The following CDK5RAP2 variants were observed in gnomAD, a reference collection of about 807,000 sequenced individuals.
CDK5RAP2 encodes CDK5 regulatory subunit-associated protein 2.
In CDK5RAP2, 147 loss-of-function variants were observed where a neutral mutation model predicts 232.9. That is an observed-to-expected ratio of 0.63 (90% CI 0.55 to 0.72). The LOEUF is 0.72. Among genes scored for constraint, CDK5RAP2 ranks in the 30% least tolerant of loss-of-function variants. The pLI, the probability that CDK5RAP2 is intolerant of heterozygous loss-of-function variation, is 0.00. For missense variants in CDK5RAP2, 2,195 were observed against 2,231.5 expected, an observed-to-expected ratio of 0.98 and a Z score of 0.33; for synonymous variants, 833 against 833.7, an observed-to-expected ratio of 1.00 and a Z score of 0.01.
rs1193707697 is a variant in CDK5RAP2 at position 120,402,849 on chromosome 9, G to A, written c.5264C>T (p.Thr1755Ile). ...ACTTGTGGAGCTGGGAGCCTCTTGG[G>A]TTTGAATGTCCATTTCAGCAAGGAG... The part of the protein sequence containing the change: ...QRLLAEMDIQ[T>I]QEAPSSTSQE... The change falls in exon 34 of 38, where the codon ACC (threonine) becomes ATC (isoleucine). Residue 1755 changes from threonine to isoleucine, a missense_variant. Coordinates refer to ENST00000349780, the MANE Select transcript of CDK5RAP2 (RefSeq NM_018249.6). 2.5e-6 allele frequency: 4 copies of A among 1,614,008 alleles called. No individual in the cohort carries two copies. Among genetic ancestry groups the A allele is most frequent in the Non-Finnish European group, 3.4e-6 (4 of 1,180,044 alleles).
chr9:120,469,624 T>C (rs1054543390), intron 17 of CDK5RAP2, among the ~76,000 whole-genome samples: 1 of 152,244 alleles, frequency 6.6e-6, no homozygotes, highest in African/African-American at 2.4e-5. Context: ...AAAAGATTTA[T>C]TGATCAAACC....
At chr9:120,461,203 C>A (rs955480901) in intron 18 of CDK5RAP2, among the ~76,000 whole-genome samples, 4 of 152,280 alleles carry the variant, frequency 2.6e-5, no homozygotes, top group African/African-American at 9.6e-5. Flanking sequence ...GTCCTGGCAA[C>A]ACTGTCATTT....
intron 37 of CDK5RAP2, 74 bp from the exon 38 acceptor site, chr9:120,389,366 G>T: frequency 8.5e-7 from 1 of 1,178,048 alleles, no homozygotes; most frequent in Non-Finnish European, 1.2e-6. Context: ...CGACAGAGGT[G>T]AAAGCGAGAC....
chr9:120,501,325 G>A (rs2039566478), intron 12 of CDK5RAP2, among the ~76,000 whole-genome samples: 1 of 152,186 alleles, frequency 6.6e-6, no homozygotes, highest in South Asian at 2.1e-4. Context: ...AGTCTTCCCT[G>A]ACCATCCACC....
chr9:120,434,412 G>C (rs1211368981), intron 25 of CDK5RAP2, among the ~76,000 whole-genome samples: 1 of 152,146 alleles, frequency 6.6e-6, no homozygotes, highest in African/African-American at 2.4e-5. Flanking sequence ...CCCTTATCTG[G>C]ACTTTTACAC....
At chr9:120,543,546 T>A (rs979476908) in intron 5 of CDK5RAP2, among the ~76,000 whole-genome samples, 1 of 152,126 alleles carries the variant, frequency 6.6e-6, no homozygotes, top group Admixed American at 6.6e-5. Context: ...CCCAGCTACA[T>A]AGCCATATCT....
At chr9:120,426,621 G>C (rs7854508) in intron 25 of CDK5RAP2, among the ~76,000 whole-genome samples, 15,873 of 152,136 alleles carry the variant, frequency 0.1, 1,850 homozygotes, top group African/African-American at 0.29. Context: ...TATTCAGATC[G>C]TTAAAAGGTG....
intron 12 of CDK5RAP2, among the ~76,000 whole-genome samples, chr9:120,501,645 G>A (rs563173766): frequency 2.0e-5 from 3 of 152,192 alleles, no homozygotes; most frequent in South Asian, 2.1e-4. Flanking sequence ...ATGAGAATAC[G>A]GCAGAAGTGA....
At chr9:120,569,817 G>A (rs2042783091) in intron 2 of CDK5RAP2, among the ~76,000 whole-genome samples, 1 of 152,192 alleles carries the variant, frequency 6.6e-6, no homozygotes, top group African/African-American at 2.4e-5. Flanking sequence ...GAGAGAAACA[G>A]GGAAACCAGT....
intron 5 of CDK5RAP2, among the ~76,000 whole-genome samples, chr9:120,544,851 C>T (rs1265325215): frequency 6.6e-6 from 1 of 152,174 alleles, no homozygotes; most frequent in African/African-American, 2.4e-5. Flanking sequence ...GCTCACCAGT[C>T]TCTGATGAGC....
chr9:120,568,375 C>G lies in CDK5RAP2; in HGVS notation c.141G>C (p.Val47=). ...AGLGNGLLPN[V]SEETVSPTRA... ...TGGTGGGAGACACTGTTTCTTCTGACACATTTGGGAGCACTGTAAAAAGGT... is the reference window on the plus strand; with the variant it reads ...TGGTGGGAGACACTGTTTCTTCTGAGACATTTGGGAGCACTGTAAAAAGGT... Residue 47 remains valine, a synonymous_variant, in exon 3 of 38, where the codon GTG becomes GTC. Transcript: ENST00000349780. 6.2e-7 allele frequency: 1 copy of G among 1,613,382 alleles called. No homozygotes were observed. The highest frequency in any genetic ancestry group is 8.5e-7 in the Non-Finnish European group (1 of 1,179,288).
chr9:120,428,456 C>G (rs1416872432), intron 25 of CDK5RAP2, among the ~76,000 whole-genome samples: 1 of 152,114 alleles, frequency 6.6e-6, no homozygotes, highest in African/African-American at 2.4e-5. Flanking sequence ...ATACAAACTA[C>G]CATCAGAGAA....
chr9:120,506,173 T>C (rs2039802283), intron 12 of CDK5RAP2, among the ~76,000 whole-genome samples: 1 of 152,226 alleles, frequency 6.6e-6, no homozygotes, highest in Admixed American at 6.5e-5. Context: ...TCACTTATGA[T>C]TCCAGAACTC....
At chr9:120,408,617 C>T (rs1438563885) in intron 30 of CDK5RAP2, 149 bp from the exon 31 acceptor site, 6 of 883,004 alleles carry the variant, frequency 6.8e-6, no homozygotes, top group Non-Finnish European at 1.1e-5. Flanking sequence ...CATGTGCTCT[C>T]TAATCCTAAT....
intron 3 of CDK5RAP2, among the ~76,000 whole-genome samples, chr9:120,565,161 T>C (rs2042604286): frequency 1.3e-5 from 2 of 152,026 alleles, no homozygotes; most frequent in African/African-American, 4.8e-5. Context: ...AAGACCTGGG[T>C]TCAAAGCTGA....
chr9:120,539,283 TC>T, intron 5 of CDK5RAP2, 119 bp from the exon 6 acceptor site: 1 of 1,230,962 alleles, frequency 8.1e-7, no homozygotes, highest in Non-Finnish European at 1.2e-6. Flanking sequence ...GTGCTGAGCT[TC>T]TTTTTCTTTA....
intron 12 of CDK5RAP2, among the ~76,000 whole-genome samples, chr9:120,514,610 G>C (rs1469062080): frequency 6.6e-6 from 1 of 152,226 alleles, no homozygotes; most frequent in African/African-American, 2.4e-5. Flanking sequence ...CTCTCAGAGA[G>C]AGAGTCTGCT....
intron 12 of CDK5RAP2, among the ~76,000 whole-genome samples, chr9:120,518,206 TGTGTGAGAGAGAGAGA>T (rs1194019847): frequency 0.012 from 1,267 of 108,802 alleles, 19 homozygotes; most frequent in African/African-American, 0.048. Context: ...TGTGTGTGTG[TGTGTGAGAGAGAGAGA>T]GAGAGAGAGA....
intron 8 of CDK5RAP2, among the ~76,000 whole-genome samples, chr9:120,529,091 G>T (rs2041032768): frequency 6.6e-6 from 1 of 152,190 alleles, no homozygotes; most frequent in African/African-American, 2.4e-5. Context: ...GCGGAAGTGG[G>T]CAAGAGAGTT....
Sources: allele counts gnomAD v4.1 joint callset (sites outside exome capture counted in the v4.1 genomes callset), GRCh38; gene constraint gnomAD v4.1.1; transcripts MANE v1.5; gene names NCBI Gene and HGNC (gene_info 2026-07-23, HGNC 2026-07-21).